PSMB7: variants seen among roughly 807,000 people sequenced by gnomAD.
PSMB7 encodes the protein proteasome subunit beta type-7.
Under a neutral mutation model 28.1 loss-of-function variants are expected in PSMB7, and 5 were observed. The ratio of observed to expected loss-of-function variants is 0.18; its 90% CI spans 0.09 to 0.37. The LOEUF (loss-of-function observed/expected upper bound fraction) is 0.37, where lower values mean the gene tolerates loss of function less well. PSMB7 is among the 10% of genes least tolerant of loss of function. PSMB7 has a pLI of 1.00. For synonymous variants in PSMB7, 122 were observed against 123.7 expected, an observed-to-expected ratio of 0.99 and a Z score of 0.09; for missense variants, 275 against 346.2, an observed-to-expected ratio of 0.79 and a Z score of 1.63.
chr9:124,394,282 G>T (rs757594642), intron 5 of PSMB7, among the ~76,000 whole-genome samples: 8 of 152,180 alleles, frequency 5.3e-5, no homozygotes, highest in Non-Finnish European at 1.0e-4. Context: ...CCTTCTGATG[G>T]CTAAGATGAC....
intron 5 of PSMB7, among the ~76,000 whole-genome samples, chr9:124,404,391 T>C (rs1233023994): frequency 1.3e-5 from 2 of 152,224 alleles, no homozygotes; most frequent in African/African-American, 2.4e-5. Context: ...TAGTACAATA[T>C]CATCTGTATT....
intron 6 of PSMB7, among the ~76,000 whole-genome samples, chr9:124,362,839 T>G (rs1403726014): frequency 6.6e-6 from 1 of 152,244 alleles, no homozygotes; most frequent in East Asian, 1.9e-4. Flanking sequence ...TATACAGTTT[T>G]TATTGCCAAG....
At chr9:124,359,145 T>G (rs577404249) in intron 6 of PSMB7, among the ~76,000 whole-genome samples, 4 of 152,364 alleles carry the variant, frequency 2.6e-5, no homozygotes, top group African/African-American at 7.2e-5. Context: ...TCATGTATGC[T>G]GTTATTTAAG....
intron 6 of PSMB7, among the ~76,000 whole-genome samples, chr9:124,363,510 G>A (rs1288707025): frequency 6.6e-6 from 1 of 152,156 alleles, no homozygotes; most frequent in Non-Finnish European, 1.5e-5. Flanking sequence ...ACTGGGCTGT[G>A]TGACAAGAGC....
intron 6 of PSMB7, among the ~76,000 whole-genome samples, chr9:124,378,231 G>A (rs768813630): frequency 2.0e-5 from 3 of 152,186 alleles, no homozygotes; most frequent in Non-Finnish European, 4.4e-5. Flanking sequence ...CTGTGGCATG[G>A]CTCTCATGGG....
At chr9:124,358,442 G>C (rs1443454432) in intron 6 of PSMB7, among the ~76,000 whole-genome samples, 1 of 152,114 alleles carries the variant, frequency 6.6e-6, no homozygotes, top group Non-Finnish European at 1.5e-5. Flanking sequence ...TTCTTCTTTT[G>C]TACATATGCA....
chr9:124,370,474 C>T (rs1354897294), intron 6 of PSMB7, among the ~76,000 whole-genome samples: 6 of 150,284 alleles, frequency 4.0e-5, no homozygotes, highest in Admixed American at 1.3e-4. Flanking sequence ...TTGGCAGTTC[C>T]GTTTATTCAG....
intron 5 of PSMB7, among the ~76,000 whole-genome samples, chr9:124,395,339 TAAAA>T: frequency 7.1e-6 from 1 of 141,044 alleles, no homozygotes; most frequent in South Asian, 2.3e-4. Flanking sequence ...AGAAAGAAAT[TAAAA>T]AAAAAAAAAT....
rs373937522 is a variant in PSMB7 at position 124,413,802 on chromosome 9, A to G, written c.254+106T>C. On this transcript the variant is annotated intron_variant, in intron 3 of 7. Transcript: ENST00000259457. Reference sequence around the variant, plus strand: ...TGGAAATGCCATTTAAGGGAGACAGAAAATACAGGTTGAAAAACAGGTTTT... The same window carrying G: ...TGGAAATGCCATTTAAGGGAGACAGGAAATACAGGTTGAAAAACAGGTTTT... The G allele has an allele frequency of 6.8e-6, 5 of 733,162 alleles. No individual in the cohort carries two copies. The East Asian group carries it at 1.1e-4, about 16-fold the overall frequency. The allele number at this position is 733,162 out of a possible 1,614,324, so 45.4% of individuals were successfully genotyped here.
intron 5 of PSMB7, among the ~76,000 whole-genome samples, chr9:124,394,356 A>C (rs758299250): frequency 6.6e-6 from 1 of 152,372 alleles, no homozygotes; most frequent in African/African-American, 2.4e-5. Context: ...AAGCATATAA[A>C]GGCACTTTCC....
intron 5 of PSMB7, among the ~76,000 whole-genome samples, chr9:124,392,433 C>T (rs181339942): frequency 1.2e-4 from 18 of 152,280 alleles, no homozygotes; most frequent in Admixed American, 2.6e-4. Flanking sequence ...TCAAGCACAG[C>T]GTGAATGATG....
chr9:124,391,481 C>A (rs1229611286), intron 5 of PSMB7, among the ~76,000 whole-genome samples: 1 of 152,172 alleles, frequency 6.6e-6, no homozygotes. Flanking sequence ...AGCTCGATTA[C>A]CACACACATC....
chr9:124,376,043 T>G (rs868675570), intron 6 of PSMB7, among the ~76,000 whole-genome samples: 3 of 152,194 alleles, frequency 2.0e-5, no homozygotes, highest in Non-Finnish European at 2.9e-5. Flanking sequence ...GTCGCACAGA[T>G]GCAACCTAAA....
At chr9:124,390,900 A>C (rs1283789094) in intron 5 of PSMB7, among the ~76,000 whole-genome samples, 1 of 152,248 alleles carries the variant, frequency 6.6e-6, no homozygotes, top group Non-Finnish European at 1.5e-5. Context: ...AGGTCAATCC[A>C]TGCATGAGTC....
At chr9:124,357,974 A>C (rs1240462169) in intron 6 of PSMB7, among the ~76,000 whole-genome samples, 2 of 152,232 alleles carry the variant, frequency 1.3e-5, no homozygotes, top group Admixed American at 1.3e-4. Context: ...GTGGTACTGG[A>C]CCTGGGGAAC....
chr9:124,410,095 C>T (rs1831013397), intron 4 of PSMB7, among the ~76,000 whole-genome samples: 1 of 151,488 alleles, frequency 6.6e-6, no homozygotes, highest in East Asian at 1.9e-4. Flanking sequence ...TGCCAAGCTC[C>T]ACCTCCCGGG....
chr9:124,407,317 TTTGTAAG>T (rs1337428078), intron 4 of PSMB7, among the ~76,000 whole-genome samples: 1 of 152,222 alleles, frequency 6.6e-6, no homozygotes, highest in Non-Finnish European at 1.5e-5. Flanking sequence ...TGTTATTTCA[TTTGTAAG>T]TAAAAACTTC....
rs1449684754 is a variant in PSMB7 at position 124,356,640 on chromosome 9, T to C, written c.722+124A>G. The C allele has an allele frequency of 8.5e-7, 1 of 1,172,168 alleles. No individual in the cohort carries two copies. The highest frequency in any genetic ancestry group is 1.2e-6 in the Non-Finnish European group (1 of 834,102). The allele number at this position is 1,172,168 out of a possible 1,614,324, so 72.6% of individuals were successfully genotyped here. A position where few individuals can be genotyped will look rare whatever the true frequency, so the allele number is the denominator to read the frequency against. On this transcript the variant is annotated intron_variant, in intron 7 of 7. Transcript: ENST00000259457. This position sits in a 1 kb window ranked among gnomAD's most constrained non-coding sequence, Gnocchi z 4.4. ...GCCGAAGGTCTGTGTGGGAGGTTGA[T>C]TTGGGAACACTGGATGTACTTAATG...
chr9:124,394,172 G>A (rs1830819616), intron 5 of PSMB7, among the ~76,000 whole-genome samples: 1 of 152,230 alleles, frequency 6.6e-6, no homozygotes, highest in South Asian at 2.1e-4. Flanking sequence ...AAAGGAAGGA[G>A]GCTACCCAAA....
Sources: gnomAD v4.1 joint callset for allele counts (sites outside exome capture counted in the v4.1 genomes callset) on GRCh38, gnomAD v4.1.1 for gene constraint, Gnocchi (gnomAD v3.1) non-coding constraint, MANE v1.5 for transcripts, NCBI Gene and HGNC (gene_info 2026-07-23, HGNC 2026-07-21) for gene names.